MAP4K5: variants seen among roughly 807,000 people sequenced by gnomAD.
MAP4K5 encodes the protein MAPK/ERK kinase kinase kinase 5.
In MAP4K5, 82 loss-of-function variants were observed where a neutral mutation model predicts 135.6. The observed-to-expected ratio is 0.60, with a 90% confidence interval of 0.51 to 0.73. The LOEUF is 0.73. Among genes scored for constraint, MAP4K5 ranks in the 30% least tolerant of loss-of-function variants. MAP4K5 has a pLI of 0.00. For missense variants in MAP4K5, 907 were observed against 1,010.9 expected, an observed-to-expected ratio of 0.90 and a Z score of 1.39; for synonymous variants, 347 against 335.0, an observed-to-expected ratio of 1.04 and a Z score of -0.39.
At chr14:50,435,539 A>G (rs1480637190) in intron 26 of MAP4K5, among the ~76,000 whole-genome samples, 1 of 143,914 alleles carries the variant, frequency 6.9e-6, no homozygotes, top group Non-Finnish European at 1.5e-5. Flanking sequence ...TAATTTTTCA[A>G]TTTTTTTTTT....
rs760067446 is a variant in MAP4K5 at position 50,557,116 on chromosome 14, A to G, written c.-180+3924T>C. 4.8e-4 allele frequency among the ~76,000 whole-genome samples: 73 copies of G among 152,308 alleles called. 1 individual carries two copies. The Middle Eastern group carries it at 0.017, about 35-fold the overall frequency. On this transcript the variant is annotated intron_variant, in intron 1 of 8. Coordinates refer to the MAP4K5 transcript ENST00000555216. ...TTTATATTTCCATCAGCAGTTTATG[A>G]GGGTGCCAATTTCTCCACATCTCAC...
Position 50,458,548 on chromosome 14 carries a change from C to T in MAP4K5, c.937-1954G>A, listed in dbSNP as rs559289262. On this transcript the variant is annotated intron_variant, in intron 13 of 32. Transcript: ENST00000682126. ...TGTTAAACTCATCAAACACTAACCACCTAAAGCCAAAACTAGTTTAACTTA... is the reference window on the plus strand; with the variant it reads ...TGTTAAACTCATCAAACACTAACCATCTAAAGCCAAAACTAGTTTAACTTA... Among the ~76,000 whole-genome samples, 167 of 152,272 alleles carry T rather than the reference C, an allele frequency of 1.1e-3. 1 individual carries two copies. The highest frequency in any genetic ancestry group is 3.9e-3 in the African/African-American group (163 of 41,558).
At chr14:50,490,459 TTTAAA>T (rs2037460307) in intron 3 of MAP4K5, among the ~76,000 whole-genome samples, 1 of 152,188 alleles carries the variant, frequency 6.6e-6, no homozygotes, top group Non-Finnish European at 1.5e-5. Flanking sequence ...TGTATTACTG[TTTAAA>T]TTAAGCATGT....
intron 6 of MAP4K5, among the ~76,000 whole-genome samples, chr14:50,476,578 C>G (rs1403260990): frequency 6.6e-6 from 1 of 152,080 alleles, no homozygotes; most frequent in South Asian, 2.1e-4. Flanking sequence ...CACTTGCCTC[C>G]GCCTCCCAAG....
chr14:50,544,328 A>G (rs1027316930), intron 1 of MAP4K5, among the ~76,000 whole-genome samples: 2 of 152,204 alleles, frequency 1.3e-5, no homozygotes, highest in African/African-American at 4.8e-5. Context: ...TATCAGAACC[A>G]CAATTTTGTT....
Position 50,445,045 on chromosome 14 carries a change from A to G in MAP4K5, c.1335T>C (p.Ser445=), listed in dbSNP as rs760698153. 1.2e-6 allele frequency: 2 copies of G among 1,612,992 alleles called. No homozygotes were observed. The highest frequency in any genetic ancestry group is 2.7e-5 in the African/African-American group (2 of 74,912). Residue 445 remains serine, a synonymous_variant, in exon 18 of 33, where the codon TCT becomes TCC. Coordinates refer to ENST00000682126, the MANE Select transcript of MAP4K5 (RefSeq NM_006575.6). The part of the protein sequence containing the change: ...PSCGPVAETS[S]IGNGDGISKL... ...TGCTAATAATGCTAGCCATACCAAT[A>G]GAAGAAGTCTCTGCCACAGGCCCAC...
At chr14:50,451,053 A>C (rs2036473073) in intron 14 of MAP4K5, among the ~76,000 whole-genome samples, 1 of 152,206 alleles carries the variant, frequency 6.6e-6, no homozygotes, top group Non-Finnish European at 1.5e-5. Context: ...ACAGTAAGTG[A>C]GCAGATGGAA....
chr14:50,440,498 TA>T, intron 21 of MAP4K5, 57 bp from the exon 22 acceptor site: 1 of 877,498 alleles, frequency 1.1e-6, no homozygotes, highest in South Asian at 1.7e-5. Context: ...AATCATTCAC[TA>T]AAATAATGAC....
At chr14:50,485,942 T>C (rs1370352004) in intron 4 of MAP4K5, 162 bp downstream of exon 4, 1 of 547,054 alleles carries the variant, frequency 1.8e-6, no homozygotes, top group Non-Finnish European at 3.2e-6. Context: ...ATTATTAATA[T>C]GTAATAGGGG....
intron 5 of MAP4K5, chr14:50,483,265 G>A (rs2037292068): frequency 6.6e-6 from 1 of 151,958 alleles, no homozygotes; most frequent in South Asian, 2.1e-4. Context: ...GTCACTTTTG[G>A]CAACCAGATC....
chr14:50,491,111 T>C (rs1270158780), intron 3 of MAP4K5, among the ~76,000 whole-genome samples: 2 of 152,026 alleles, frequency 1.3e-5, no homozygotes, highest in African/African-American at 4.8e-5. Flanking sequence ...TGGGAAGGGA[T>C]TAAAAGCAGC....
At chr14:50,454,562 C>T (rs1159472842) in intron 14 of MAP4K5, among the ~76,000 whole-genome samples, 3 of 152,028 alleles carry the variant, frequency 2.0e-5, no homozygotes, top group African/African-American at 7.2e-5. Context: ...AGAAGTTTCA[C>T]AAAAATTTAA....
rs757157448 is a variant in MAP4K5, at chr14:50,445,062, C to T, written c.1318G>A (p.Val440Met). ...ATACCAATAGAAGAAGTCTCTGCCA[C>T]AGGCCCACAACTTGGGCTACTCTGT... ...RRQSSPSCGPVAETSSIGNGD... is the reference protein window; with the variant it reads ...RRQSSPSCGPMAETSSIGNGD... The change falls in exon 18 of 33, where the codon GTG (valine) becomes ATG (methionine). Residue 440 changes from valine (V) to methionine (M), a missense_variant. Coordinates refer to ENST00000682126, the MANE Select transcript of MAP4K5 (RefSeq NM_006575.6). 3 of 1,613,504 alleles carry T rather than the reference C, an allele frequency of 1.9e-6. No individual in the cohort carries two copies. The highest frequency in any genetic ancestry group is 2.5e-6 in the Non-Finnish European group (3 of 1,179,580).
intron 32 of MAP4K5, among the ~76,000 whole-genome samples, chr14:50,422,449 T>C (rs2035754757): frequency 6.6e-6 from 1 of 152,098 alleles, no homozygotes; most frequent in Non-Finnish European, 1.5e-5. Context: ...AATCCTTGTC[T>C]CAGGACTAAT....
chr14:50,518,261 T>C (rs899451811), intron 2 of MAP4K5, among the ~76,000 whole-genome samples: 1 of 152,182 alleles, frequency 6.6e-6, no homozygotes, highest in Non-Finnish European at 1.5e-5. Flanking sequence ...CCTAAACTCA[T>C]TAATTTTTTT....
intron 12 of MAP4K5, 95 bp downstream of exon 12, chr14:50,463,957 C>T: frequency 2.3e-6 from 1 of 444,128 alleles, no homozygotes; most frequent in Admixed American, 4.1e-5. Context: ...TAAGAGATCA[C>T]TAACATTTTT....
chr14:50,445,695 A>C (rs911230385), intron 17 of MAP4K5, among the ~76,000 whole-genome samples: 1 of 152,006 alleles, frequency 6.6e-6, no homozygotes, highest in African/African-American at 2.4e-5. Flanking sequence ...TCAGCTTCCC[A>C]AGTAGCTGGG....
intron 26 of MAP4K5, among the ~76,000 whole-genome samples, chr14:50,436,275 G>C (rs1014121792): frequency 6.6e-6 from 1 of 152,126 alleles, no homozygotes; most frequent in African/African-American, 2.4e-5. Flanking sequence ...CCAAAAAAGA[G>C]GTCTGGTCTC....
intron 1 of MAP4K5, chr14:50,560,403 G>T: frequency 6.9e-7 from 1 of 1,447,246 alleles, no homozygotes; most frequent in African/African-American, 1.4e-5. Flanking sequence ...AGGTGCCTGC[G>T]TCCACGGCTG....
Sources: gnomAD v4.1 joint callset for allele counts (sites outside exome capture counted in the v4.1 genomes callset) on GRCh38, gnomAD v4.1.1 for gene constraint, MANE v1.5 for transcripts, NCBI Gene and HGNC (gene_info 2026-07-23, HGNC 2026-07-21) for gene names.